STIL: variants seen among roughly 807,000 people sequenced by gnomAD.
The protein encoded by STIL is STIL centriolar assembly protein, also known as SCL-interrupting locus protein.
A neutral mutation model predicts 110.1 loss-of-function variants in STIL; 55 were observed. The observed-to-expected ratio is 0.50, with a 90% confidence interval of 0.40 to 0.63. The LOEUF (loss-of-function observed/expected upper bound fraction) is 0.63, where lower values mean the gene tolerates loss of function less well. Among genes scored for constraint, STIL ranks in the 20% least tolerant of loss-of-function variants. STIL has a pLI of 0.00. For synonymous variants in STIL, 481 were observed against 530.0 expected, an observed-to-expected ratio of 0.91 and a Z score of 1.27; for missense variants, 1,358 against 1,530.0, an observed-to-expected ratio of 0.89 and a Z score of 1.87.
At chr1:47,310,124 G>T in intron 2 of STIL, 152 bp downstream of exon 2, 1 of 625,552 alleles carries the variant, frequency 1.6e-6, no homozygotes, top group Non-Finnish European at 2.8e-6. Context: ...TAATTAACTT[G>T]ATCACGGTCA....
At chr1:47,312,665 C>T (rs1646169627) in intron 1 of STIL, among the ~76,000 whole-genome samples, 1 of 152,064 alleles carries the variant, frequency 6.6e-6, no homozygotes, top group East Asian at 1.9e-4. Flanking sequence ...TCTTAAAATG[C>T]GCTATTTGTG....
chr1:47,284,854 T>C (rs935964003), intron 10 of STIL, among the ~76,000 whole-genome samples: 2 of 151,364 alleles, frequency 1.3e-5, no homozygotes, highest in African/African-American at 4.9e-5. Flanking sequence ...CACACCACTG[T>C]ACTCCAGCCT....
At chr1:47,298,280 TTAAAG>T (rs1255852936) in intron 6 of STIL, among the ~76,000 whole-genome samples, 2 of 152,166 alleles carry the variant, frequency 1.3e-5, no homozygotes, top group South Asian at 2.1e-4. Flanking sequence ...TGGTCAAACT[TTAAAG>T]TAGAGTAGTT....
At chr1:47,300,647 T>G (rs113969129) in intron 5 of STIL, among the ~76,000 whole-genome samples, 23 of 152,224 alleles carry the variant, frequency 1.5e-4, no homozygotes, top group African/African-American at 5.3e-4. Context: ...TTTTATATTT[T>G]TAGTAGAGAC....
In STIL at chr1:47,251,252, T is replaced by C. The variant is rs543757127; in HGVS notation, c.3751A>G (p.Thr1251Ala). ...GGTTGCAAACTTTCAGGAAAAATTG[T>C]AATGTCCCCTTCATTTTCTTTCTCA... ...HPEKENEGDITIFPESLQPSE... is the reference protein window; with the variant it reads ...HPEKENEGDIAIFPESLQPSE... The change falls in exon 17 of 17, where the codon ACA becomes GCA. Residue 1251 changes from threonine (T) to alanine (A), a missense_variant. By Grantham distance (58) the Thr-to-Ala change is moderately conservative (BLOSUM62 0). Transcript: ENST00000371877. The C allele has an allele frequency of 1.9e-6, 3 of 1,612,246 alleles. No homozygotes were observed. The highest frequency in any genetic ancestry group is 2.2e-5 in the South Asian group (2 of 90,918).
rs1207841633 is a variant in STIL at position 47,269,812 on chromosome 1, A to G, written c.2438T>C (p.Met813Thr). Residue 813 changes from methionine to threonine, a missense_variant, in exon 14 of 17, where the codon ATG (methionine) becomes ACG (threonine). Physicochemically the swap from Met to Thr is moderately conservative, Grantham distance 81 (BLOSUM62 -1). Transcript: ENST00000371877. ...GGAAATTTTGGTATCATCTTGCTTC[A>G]TTTGAGAGTCAGGCTCTTGATCCTC... The part of the protein sequence containing the change: ...AGEDQEPDSQ[M>T]KQDDTKISSE... 4 of 1,614,124 alleles carry G rather than the reference A, an allele frequency of 2.5e-6. No homozygotes were observed. The highest frequency in any genetic ancestry group is 1.3e-5 in the African/African-American group (1 of 74,934).
intron 12 of STIL, among the ~76,000 whole-genome samples, chr1:47,279,741 A>C (rs1438194649): frequency 6.6e-6 from 1 of 151,492 alleles, no homozygotes; most frequent in Non-Finnish European, 1.5e-5. Context: ...AAAAAAAAAA[A>C]AAAACAACAA....
intron 16 of STIL, among the ~76,000 whole-genome samples, chr1:47,254,180 CAAAAAAAAAA>C (rs59259774): frequency 3.1e-4 from 19 of 61,426 alleles, no homozygotes; most frequent in African/African-American, 8.7e-4. Flanking sequence ...GACTCTGTCT[CAAAAAAAAAA>C]AAAAAAAAAA....
intron 14 of STIL, among the ~76,000 whole-genome samples, chr1:47,268,573 G>C (rs750448405): frequency 6.6e-6 from 1 of 151,910 alleles, no homozygotes; most frequent in African/African-American, 2.4e-5. Flanking sequence ...TGGCCAACAC[G>C]GCGAAACCCC....
At chr1:47,301,409 C>T in intron 5 of STIL, 152 bp downstream of exon 5, 2 of 880,444 alleles carry the variant, frequency 2.3e-6, no homozygotes, top group South Asian at 1.5e-5. Flanking sequence ...AGTTTTTGCC[C>T]TCACAAACAC....
intron 10 of STIL, 167 bp from the exon 11 acceptor site, chr1:47,282,626 A>T: frequency 1.7e-6 from 1 of 590,794 alleles, no homozygotes; most frequent in East Asian, 2.9e-5. Flanking sequence ...TTAGTTGACC[A>T]GGGAAGCTGG....
intron 8 of STIL, among the ~76,000 whole-genome samples, chr1:47,291,797 C>T (rs1209986705): frequency 6.6e-6 from 1 of 152,090 alleles, no homozygotes; most frequent in Non-Finnish European, 1.5e-5. Context: ...AATTCCTGGC[C>T]TCAAGTGATC....
intron 12 of STIL, among the ~76,000 whole-genome samples, chr1:47,278,557 A>G (rs866019578): frequency 2.0e-5 from 3 of 152,260 alleles, no homozygotes; most frequent in African/African-American, 7.2e-5. Context: ...TTAGCCTCTA[A>G]TTAGTCTTCT....
upstream of STIL, chr1:47,314,272 G>C (rs200105826): frequency 2.6e-5 from 4 of 152,390 alleles, no homozygotes; most frequent in East Asian, 7.7e-4. Context: ...TTACGTATTG[G>C]TGTGCCGACC....
At chr1:47,260,210 C>A (rs1372827506) in intron 16 of STIL, 79 bp downstream of exon 16, 1 of 1,370,564 alleles carries the variant, frequency 7.3e-7, no homozygotes, top group African/African-American at 1.5e-5. Flanking sequence ...ATTCATCTAG[C>A]CAATGATGGG....
rs1223463520 is a variant in STIL at position 47,260,413 on chromosome 1, G to C, written c.2956C>G (p.His986Asp). Residue 986 changes from histidine (H) to aspartate (D), a missense_variant, in exon 16 of 17, where the codon CAT becomes GAT. Coordinates refer to ENST00000371877, the MANE Select transcript of STIL (RefSeq NM_001048166.1). ...CAATCTTTGTCCACCAGTCTTGAAT[G>C]ATGTGTTTTTTTCTTTGTATGGTAA... Reference protein sequence around the residue: ...NVYHTKKKTHHSRLVDKDCVL... With the variant: ...NVYHTKKKTHDSRLVDKDCVL... The C allele has an allele frequency of 1.9e-6, 3 of 1,614,010 alleles. No homozygotes were observed. Among genetic ancestry groups the C allele is most frequent in the Non-Finnish European group, 2.5e-6 (3 of 1,180,034 alleles).
Position 47,280,319 on chromosome 1 carries a change from A to G in STIL, c.2139T>C (p.Asn713=), listed in dbSNP as rs570684013. The G allele has an allele frequency of 2.5e-6, 4 of 1,614,206 alleles. No homozygotes were observed. The East Asian group carries it at 6.7e-5, about 27-fold the overall frequency. ...CATCTGGAGATAGTCCCATCATTCC[A>G]TTATCTGACTCAGTCTTGGGTGTGT... is the stretch of plus-strand genomic sequence containing the variant. ...CMHTPKTESD[N]GMMGLSPDAY... The change falls in exon 12 of 17, where the codon AAT becomes AAC. Residue 713 remains asparagine, a synonymous_variant. Coordinates refer to ENST00000371877, the MANE Select transcript of STIL (RefSeq NM_001048166.1).
chr1:47,297,689 G>A (rs910668332), intron 6 of STIL, among the ~76,000 whole-genome samples: 6 of 151,920 alleles, frequency 3.9e-5, no homozygotes, highest in Non-Finnish European at 5.9e-5. Flanking sequence ...CTAAGCTCAA[G>A]CCACCCTCCT....
chr1:47,275,031 A>T (rs1644947528), intron 12 of STIL, among the ~76,000 whole-genome samples: 3 of 151,898 alleles, frequency 2.0e-5, no homozygotes, highest in African/African-American at 7.3e-5. Context: ...ACACGGCTGC[A>T]ATCCCAGCTA....
Sources: gnomAD v4.1 joint callset for allele counts (sites outside exome capture counted in the v4.1 genomes callset) on GRCh38, gnomAD v4.1.1 for gene constraint, MANE v1.5 for transcripts, NCBI Gene and HGNC (gene_info 2026-07-23, HGNC 2026-07-21) for gene names.